METTL9: variants seen among roughly 807,000 people sequenced by gnomAD.
METTL9 encodes methyltransferase 9, His-X-His N1(pi)-histidine.
METTL9 carries 10 observed loss-of-function variants against 36.0 expected under a neutral mutation model. The observed-to-expected ratio is 0.28, with a 90% CI of 0.17 to 0.47. The LOEUF (loss-of-function observed/expected upper bound fraction) is 0.47, where lower values mean the gene tolerates loss of function less well. Among genes scored for constraint, METTL9 ranks in the 20% least tolerant of loss-of-function variants. METTL9 has a pLI of 0.99. For missense variants in METTL9, 246 were observed against 383.5 expected (o/e 0.64, Z 3.00); for synonymous variants, 175 against 149.7 (o/e 1.17, Z -1.23).
chr16:21,647,181 C>T, intron 4 of METTL9: 1 of 1,614,166 alleles, frequency 6.2e-7, no homozygotes, highest in Non-Finnish European at 8.5e-7. Context: ...GCTCTCGCTT[C>T]CGGCACACTG....
At chr16:21,624,145 A>G (rs1274475584) in intron 3 of METTL9, among the ~76,000 whole-genome samples, 2 of 152,210 alleles carry the variant, frequency 1.3e-5, no homozygotes, top group Non-Finnish European at 2.9e-5. Flanking sequence ...AATGTGCTCA[A>G]AGGTCATAAG....
At chr16:21,620,877 G>C (rs1965675822) in intron 3 of METTL9, among the ~76,000 whole-genome samples, 1 of 152,036 alleles carries the variant, frequency 6.6e-6, no homozygotes, top group Non-Finnish European at 1.5e-5. Flanking sequence ...CAGACTTTCA[G>C]CTGAATTTTA....
intron 4 of METTL9, chr16:21,640,762 G>A (rs1966238327): frequency 8.1e-6 from 1 of 123,160 alleles, no homozygotes; most frequent in South Asian, 2.4e-4. Flanking sequence ...ACGAGACTCT[G>A]TCTCAAAAAA....
intron 3 of METTL9, among the ~76,000 whole-genome samples, chr16:21,621,139 T>TGA (rs200770003): frequency 4.8e-4 from 72 of 151,026 alleles, no homozygotes; most frequent in African/African-American, 1.6e-3. Context: ...CTGGCTAATT[T>TGA]GAGAGAGAGA....
intron 4 of METTL9, chr16:21,644,417 G>T (rs776309101): frequency 6.6e-7 from 1 of 1,511,974 alleles, no homozygotes; most frequent in South Asian, 1.1e-5. Context: ...AAAACAGAAA[G>T]AAGCACATTG....
chr16:21,648,995 CATTTTTGTTATT>C (rs1190856241), intron 4 of METTL9, among the ~76,000 whole-genome samples: 1 of 151,896 alleles, frequency 6.6e-6, no homozygotes, highest in African/African-American at 2.4e-5. Context: ...TTTTTGTTTT[CATTTTTGTTATT>C]GTTTTTGGAC....
intron 4 of METTL9, 108 bp from the exon 5 acceptor site, chr16:21,655,119 T>C (rs1387611956): frequency 2.1e-6 from 2 of 954,714 alleles, no homozygotes; most frequent in Non-Finnish European, 1.6e-6. Flanking sequence ...CATGAAGCCC[T>C]CAGGCTTGGA....
intron 4 of METTL9, among the ~76,000 whole-genome samples, chr16:21,643,871 T>C (rs1161122557): frequency 6.6e-6 from 1 of 152,196 alleles, no homozygotes; most frequent in Non-Finnish European, 1.5e-5. Context: ...TTAATAACTT[T>C]AGCCCTTTTT....
rs1000246842 is a variant in METTL9, at chr16:21,606,118, C to T, written c.165+6220C>T. 2.6e-5 allele frequency among the ~76,000 whole-genome samples: 4 copies of T among 152,028 alleles called. No homozygotes were observed. The South Asian group carries it at 6.2e-4, about 24-fold the overall frequency. On this transcript the variant is annotated intron_variant, in intron 1 of 4. Transcript: ENST00000358154. ...ATGGGAGGCTGAGGTGGGTGGATCA[C>T]GAGGTCAGGAGATCAAGACCATCCC...
At chr16:21,618,174 C>G in intron 3 of METTL9, 100 bp downstream of exon 3, 1 of 900,584 alleles carries the variant, frequency 1.1e-6, no homozygotes, top group Non-Finnish European at 1.6e-6. Context: ...TTTAAAAAAT[C>G]ATCTCATACA....
chr16:21,632,778 C>T (rs1597769715), intron 4 of METTL9, among the ~76,000 whole-genome samples: 1 of 152,140 alleles, frequency 6.6e-6, no homozygotes, highest in African/African-American at 2.4e-5. Context: ...CGCAACTACC[C>T]GTAAACAGGC....
chr16:21,625,143 T>C (rs774601307), intron 4 of METTL9, 28 bp downstream of exon 4: 1 of 1,607,184 alleles, frequency 6.2e-7, no homozygotes, highest in South Asian at 1.1e-5. Context: ...GGCTAGCTCT[T>C]ACTGAGGATA....
chr16:21,655,631 C>G lies in METTL9; in HGVS notation c.*199C>G, dbSNP rs1392867895. 1 of 543,290 alleles carries G rather than the reference C, an allele frequency of 1.8e-6. No homozygotes were observed. Among genetic ancestry groups the G allele is most frequent in the African/African-American group, 1.9e-5 (1 of 52,808 alleles). The allele number at this position is 543,290 out of a possible 1,614,324, so 33.7% of individuals were successfully genotyped here. A position where few individuals can be genotyped will look rare whatever the true frequency, so the allele number is the denominator to read the frequency against. On this transcript the variant is annotated 3_prime_UTR_variant, in exon 5 of 5. Transcript: ENST00000358154. ...GTTTTTAAAAGACAAAAACCCAACT[C>G]TTTGTGGATTTTTATCAACTCTTTA...
At chr16:21,640,265 A>G (rs899127639) in intron 4 of METTL9, 4 of 152,110 alleles carry the variant, frequency 2.6e-5, no homozygotes, top group African/African-American at 9.7e-5. Context: ...TGAAATAAAC[A>G]TAGTAGGTTG....
intron 4 of METTL9, chr16:21,654,605 C>T (rs1236124669): frequency 1.3e-5 from 2 of 152,814 alleles, no homozygotes; most frequent in African/African-American, 4.8e-5. Flanking sequence ...ACTGTTCCAT[C>T]TCTCTCTGGT....
At chr16:21,614,101 G>A (rs1965498075) in intron 2 of METTL9, among the ~76,000 whole-genome samples, 1 of 152,006 alleles carries the variant, frequency 6.6e-6, no homozygotes, top group African/African-American at 2.4e-5. Flanking sequence ...TTTCTTCATT[G>A]TTTATGTGAA....
chr16:21,653,957 C>G (rs1205906574), intron 4 of METTL9: 1 of 151,730 alleles, frequency 6.6e-6, no homozygotes, highest in African/African-American at 2.4e-5. Context: ...ATCTCCCCAC[C>G]ATGATATGAT....
intron 4 of METTL9, chr16:21,642,185 A>G (rs1191025444): frequency 2.0e-5 from 3 of 152,126 alleles, no homozygotes; most frequent in Non-Finnish European, 4.4e-5. Context: ...ATTAAAGTAA[A>G]AGTTGGACTT....
At chr16:21,600,126 G>T (rs531167729) in intron 1 of METTL9, among the ~76,000 whole-genome samples, 1 of 152,080 alleles carries the variant, frequency 6.6e-6, no homozygotes, top group African/African-American at 2.4e-5. Context: ...AGCGCAGGCG[G>T]GGCATGGCCT....
Sources: allele counts gnomAD v4.1 joint callset (sites outside exome capture counted in the v4.1 genomes callset), GRCh38; gene constraint gnomAD v4.1.1; transcripts MANE v1.5; gene names NCBI Gene and HGNC (gene_info 2026-07-23, HGNC 2026-07-21).